The following TXNRD1 variants were observed in gnomAD, a reference collection of about 807,000 sequenced individuals.
TXNRD1 encodes the protein thioredoxin reductase 1, cytoplasmic.
A neutral mutation model predicts 80.3 loss-of-function variants in TXNRD1; 57 were observed. The observed-to-expected ratio is 0.71, with a 90% CI of 0.57 to 0.89. The LOEUF (loss-of-function observed/expected upper bound fraction) is 0.89, where lower values mean the gene tolerates loss of function less well. Ranked by LOEUF, TXNRD1 falls within the 40% of genes least tolerant of loss-of-function variation. The pLI is 0.00. For synonymous variants in TXNRD1, 291 were observed against 285.2 expected (o/e 1.02, Z -0.20); for missense variants, 730 against 803.0 (o/e 0.91, Z 1.10).
chr12:104,274,893 G>A (rs1160828699), intron 3 of TXNRD1, among the ~76,000 whole-genome samples: 1 of 151,992 alleles, frequency 6.6e-6, no homozygotes, highest in Non-Finnish European at 1.5e-5. Flanking sequence ...ACCTCTTGAG[G>A]TACTTCTGGT....
At chr12:104,282,509 C>G (rs1257780212) in intron 3 of TXNRD1, among the ~76,000 whole-genome samples, 1 of 152,186 alleles carries the variant, frequency 6.6e-6, no homozygotes, top group Non-Finnish European at 1.5e-5. Flanking sequence ...ATGGCCTGTT[C>G]CCTCATAGCA....
intron 3 of TXNRD1, among the ~76,000 whole-genome samples, chr12:104,267,715 T>TCTCTCTC (rs2033557554): frequency 6.0e-5 from 3 of 49,604 alleles, no homozygotes; most frequent in African/African-American, 1.2e-4. Flanking sequence ...CTTTCTTTCT[T>TCTCTCTC]TCTTTCTCTT....
chr12:104,310,058 A>G (rs7134193), intron 4 of TXNRD1: 352,069 of 1,534,796 alleles, frequency 0.23, 41,970 homozygotes, highest in Middle Eastern at 0.29. Context: ...TTCACCCCCT[A>G]CATCTGATAG....
intron 12 of TXNRD1, 36 bp downstream of exon 12, chr12:104,326,459 GA>G (rs1555216995): frequency 1.4e-5 from 11 of 810,568 alleles, no homozygotes; most frequent in African/African-American, 2.0e-5. Flanking sequence ...ATATTTGTGG[GA>G]TTTTTTTTTT....
At chr12:104,307,590 A>G (rs1339256497) in intron 4 of TXNRD1, among the ~76,000 whole-genome samples, 1 of 152,244 alleles carries the variant, frequency 6.6e-6, no homozygotes, top group African/African-American at 2.4e-5. Context: ...GTGGTAGAGC[A>G]AGTATTTTAA....
chr12:104,266,231 A>G (rs964617311), intron 3 of TXNRD1, among the ~76,000 whole-genome samples: 1 of 152,164 alleles, frequency 6.6e-6, no homozygotes, highest in Non-Finnish European at 1.5e-5. Context: ...TCATGGGATA[A>G]TAATACTAGG....
At chr12:104,248,265 A>ATGTT (rs60272386) in intron 1 of TXNRD1, among the ~76,000 whole-genome samples, 7,345 of 152,160 alleles carry the variant, frequency 0.048, 467 homozygotes, top group African/African-American at 0.15. Context: ...ACACATAAAT[A>ATGTT]TGTTTGTTTA....
chr12:104,306,693 A>G (rs1345252271), intron 4 of TXNRD1, among the ~76,000 whole-genome samples: 1 of 152,210 alleles, frequency 6.6e-6, no homozygotes, highest in Non-Finnish European at 1.5e-5. Flanking sequence ...TATTTTCTAA[A>G]TTAGTTACTC....
rs149150148 is a variant in TXNRD1, at chr12:104,231,405, C to T, written c.91+15512C>T. 1.6e-3 allele frequency among the ~76,000 whole-genome samples: 248 copies of T among 152,060 alleles called. 1 individual carries two copies. Among genetic ancestry groups the T allele is most frequent in the African/African-American group, 5.6e-3 (232 of 41,444 alleles). Reference sequence around the variant, plus strand: ...CATTTGGAGTTGGATTGCTTCTAGGCGAGAGGAAACAATTTGATTTATAGT... The same window carrying T: ...CATTTGGAGTTGGATTGCTTCTAGGTGAGAGGAAACAATTTGATTTATAGT... On this transcript the variant is annotated intron_variant, in intron 1 of 16. Coordinates refer to ENST00000525566, the MANE Select transcript of TXNRD1 (RefSeq NM_001093771.3).
At chr12:104,252,424 G>T (rs1036409998) in intron 2 of TXNRD1, among the ~76,000 whole-genome samples, 1 of 151,574 alleles carries the variant, frequency 6.6e-6, no homozygotes, top group Non-Finnish European at 1.5e-5. Context: ...AGAGAGAAAA[G>T]GTCAGTGGTT....
intron 3 of TXNRD1, among the ~76,000 whole-genome samples, chr12:104,259,343 A>G (rs931723638): frequency 6.7e-6 from 1 of 150,124 alleles, no homozygotes; most frequent in Non-Finnish European, 1.5e-5. Context: ...ATCGCACCAC[A>G]GCATTCCAGC....
intron 15 of TXNRD1, among the ~76,000 whole-genome samples, chr12:104,336,080 A>G (rs1030824188): frequency 1.7e-4 from 26 of 152,364 alleles, no homozygotes; most frequent in Admixed American, 1.3e-4. Flanking sequence ...TACTGCAGAC[A>G]AAAGGAGAAA....
intron 3 of TXNRD1, among the ~76,000 whole-genome samples, chr12:104,267,202 TAGGA>T (rs923019842): frequency 6.7e-6 from 1 of 149,950 alleles, no homozygotes; most frequent in Non-Finnish European, 1.5e-5. Flanking sequence ...TTAATAATAA[TAGGA>T]AGAAACCTTT....
intron 14 of TXNRD1, among the ~76,000 whole-genome samples, chr12:104,332,673 C>T (rs34598284): frequency 1.4e-5 from 2 of 145,150 alleles, no homozygotes; most frequent in Admixed American, 1.4e-4. Context: ...CGCTTGAACC[C>T]GGGAGGCGGA....
At chr12:104,216,295 C>T (rs986155015) in intron 1 of TXNRD1, among the ~76,000 whole-genome samples, 2 of 152,260 alleles carry the variant, frequency 1.3e-5, no homozygotes, top group African/African-American at 2.4e-5. Context: ...GCGACCAAAC[C>T]GACAGCCGAG....
chr12:104,238,777 G>A (rs139491733), intron 1 of TXNRD1, among the ~76,000 whole-genome samples: 238 of 152,170 alleles, frequency 1.6e-3, no homozygotes, highest in Non-Finnish European at 2.6e-3. Context: ...ATATATTGCT[G>A]GATTTGGTTT....
chr12:104,315,649 A>G, intron 6 of TXNRD1, 128 bp from the exon 7 acceptor site: 17 of 1,091,376 alleles, frequency 1.6e-5, no homozygotes, highest in Non-Finnish European at 1.9e-5. Context: ...AATAAACTTT[A>G]TTACTGACCA....
In TXNRD1 at chr12:104,339,191, A is replaced by G; in HGVS notation, c.1799A>G (p.Gln600Arg). 1.2e-6 allele frequency: 2 copies of G among 1,614,014 alleles called. No homozygotes were observed. The highest frequency in any genetic ancestry group is 1.7e-6 in the Non-Finnish European group (2 of 1,179,888). Residue 600 changes from glutamine to arginine, a missense_variant, in exon 16 of 17, where the codon CAA (glutamine) becomes CGA (arginine). Physicochemically the swap from Gln to Arg is conservative, Grantham distance 43. Transcript: ENST00000525566. Reference protein sequence around the residue: ...VLGPNAGEVTQGFAAALKCGL... With the variant: ...VLGPNAGEVTRGFAAALKCGL... ...GGTCCAAATGCTGGAGAAGTTACAC[A>G]AGGCTTTGCAGCTGCGCTCAAATGT...
intron 4 of TXNRD1, among the ~76,000 whole-genome samples, chr12:104,291,740 C>G (rs150388045): frequency 6.6e-6 from 1 of 152,190 alleles, no homozygotes; most frequent in Admixed American, 6.5e-5. Flanking sequence ...CTTCGGCCTT[C>G]CAAAGTGCTG....
Sources: gnomAD v4.1 joint callset for allele counts (sites outside exome capture counted in the v4.1 genomes callset) on GRCh38, gnomAD v4.1.1 for gene constraint, MANE v1.5 for transcripts, NCBI Gene and HGNC (gene_info 2026-07-23, HGNC 2026-07-21) for gene names.